The following CSMD1 variants were observed in gnomAD, a reference collection of about 807,000 sequenced individuals.
CSMD1 encodes the protein CUB and sushi domain-containing protein 1.
A neutral mutation model predicts 417.5 loss-of-function variants in CSMD1; 213 were observed. The observed-to-expected ratio is 0.51, with a 90% CI of 0.46 to 0.57. CSMD1 has a LOEUF of 0.57. Ranked by LOEUF, CSMD1 falls within the 20% of genes least tolerant of loss-of-function variation. The probability of loss-of-function intolerance (pLI) is 0.00; values close to 1 mark genes in which losing one functional copy is unlikely to be tolerated. For synonymous variants in CSMD1, 2,862 were observed against 1,736.8 expected, an observed-to-expected ratio of 1.65 and a Z score of -16.11; for missense variants, 6,923 against 4,529.7, an observed-to-expected ratio of 1.53 and a Z score of -15.17.
At chr8:4,159,396 G>A (rs1327806687) in intron 3 of CSMD1, among the ~76,000 whole-genome samples, 2 of 152,022 alleles carry the variant, frequency 1.3e-5, no homozygotes, top group East Asian at 1.9e-4. Flanking sequence ...TCTACCGAGG[G>A]GAAAAGAAGT....
chr8:3,008,433 G>A (rs1808128588), intron 52 of CSMD1, among the ~76,000 whole-genome samples: 1 of 152,180 alleles, frequency 6.6e-6, no homozygotes, highest in South Asian at 2.1e-4. Flanking sequence ...GGAGAGCAGG[G>A]GCCTCCGCAA....
chr8:3,145,043 T>TTGTGTG (rs34827109), intron 40 of CSMD1, among the ~76,000 whole-genome samples: 8 of 146,794 alleles, frequency 5.4e-5, no homozygotes, highest in East Asian at 2.0e-4. Context: ...GAGTAAAGAG[T>TTGTGTG]TGTGTGTGTG....
chr8:3,885,517 T>C (rs902036307), intron 5 of CSMD1, among the ~76,000 whole-genome samples: 3 of 152,204 alleles, frequency 2.0e-5, no homozygotes, highest in African/African-American at 7.2e-5. Flanking sequence ...CTAGATGGTC[T>C]GTTGTCTCAG....
chr8:3,474,750 A>C (rs903733912), intron 11 of CSMD1, among the ~76,000 whole-genome samples: 2 of 152,334 alleles, frequency 1.3e-5, no homozygotes, highest in East Asian at 3.9e-4. Context: ...ACTATACTTT[A>C]ACATTCATCA....
At chr8:3,992,836 T>C (rs146786678) in intron 5 of CSMD1, among the ~76,000 whole-genome samples, 15 of 152,246 alleles carry the variant, frequency 9.9e-5, no homozygotes, top group African/African-American at 3.4e-4. Flanking sequence ...TTTTAATTGG[T>C]GGCACTGCAG....
chr8:3,689,243 C>G (rs377523186), intron 7 of CSMD1, among the ~76,000 whole-genome samples: 3 of 152,266 alleles, frequency 2.0e-5, no homozygotes, highest in African/African-American at 7.2e-5. Context: ...TCCACAGTTA[C>G]CATGAAGTGA....
intron 1 of CSMD1, among the ~76,000 whole-genome samples, chr8:4,768,429 T>A (rs891004634): frequency 1.3e-5 from 2 of 152,222 alleles, no homozygotes; most frequent in African/African-American, 4.8e-5. Context: ...GCGACTGTGT[T>A]AAACGTCAGG....
intron 46 of CSMD1, among the ~76,000 whole-genome samples, chr8:3,101,916 C>T (rs1211329458): frequency 2.0e-5 from 3 of 151,564 alleles, no homozygotes; most frequent in Non-Finnish European, 4.4e-5. Flanking sequence ...ATTCTCCAGC[C>T]TCAGCCTCCA....
rs149568351 is a variant in CSMD1, at chr8:4,195,934, G to A, written c.416-163835C>T. Among the ~76,000 whole-genome samples, 1,387 of 152,168 alleles carry A rather than the reference G, an allele frequency of 9.1e-3. 22 individuals are homozygous for A. The highest frequency in any genetic ancestry group is 0.031 in the African/African-American group (1,283 of 41,512). On this transcript the variant is annotated intron_variant, in intron 3 of 69. Transcript: ENST00000635120. ...ACTATGAGATAAAAAATGCCAGGCC[G>A]GGCGCGGTGGCTCACGCCTGTAATC...
chr8:4,051,617 G>C (rs1001445748), intron 3 of CSMD1, among the ~76,000 whole-genome samples: 1 of 152,138 alleles, frequency 6.6e-6, no homozygotes, highest in Non-Finnish European at 1.5e-5. Flanking sequence ...GGGCTTGTAG[G>C]TTTCTGTGGG....
chr8:4,193,545 G>C (rs1295887711), intron 3 of CSMD1, among the ~76,000 whole-genome samples: 2 of 152,068 alleles, frequency 1.3e-5, no homozygotes, highest in Non-Finnish European at 2.9e-5. Flanking sequence ...AGAGGTCTGA[G>C]TCACAAGAGG....
At chr8:3,919,376 C>G (rs118045775) in intron 5 of CSMD1, among the ~76,000 whole-genome samples, 1 of 152,018 alleles carries the variant, frequency 6.6e-6, no homozygotes, top group Non-Finnish European at 1.5e-5. Context: ...GTCTCAATCT[C>G]ATGTGTTGAA....
chr8:3,318,355 T>C (rs1419656281), intron 23 of CSMD1, among the ~76,000 whole-genome samples: 1 of 152,204 alleles, frequency 6.6e-6, no homozygotes, highest in African/African-American at 2.4e-5. Flanking sequence ...TCCTCTGGCC[T>C]ACCGCATTGA....
chr8:4,739,802 G>A (rs1003316901), intron 1 of CSMD1, among the ~76,000 whole-genome samples: 1 of 152,064 alleles, frequency 6.6e-6, no homozygotes, highest in Admixed American at 6.5e-5. Context: ...CTTACCTGCT[G>A]CAACAGCCTC....
At chr8:3,403,589 G>A (rs1307779974) in intron 15 of CSMD1, among the ~76,000 whole-genome samples, 1 of 152,172 alleles carries the variant, frequency 6.6e-6, no homozygotes, top group African/African-American at 2.4e-5. Flanking sequence ...CCTGCAGGTT[G>A]TAACATATCT....
intron 10 of CSMD1, among the ~76,000 whole-genome samples, chr8:3,510,892 G>A (rs1268751579): frequency 6.6e-6 from 1 of 151,692 alleles, no homozygotes; most frequent in South Asian, 2.1e-4. Flanking sequence ...TTCCTTGTAG[G>A]TTCTGGATAT....
chr8:4,513,173 T>G (rs1022063772), intron 2 of CSMD1, among the ~76,000 whole-genome samples: 1 of 152,188 alleles, frequency 6.6e-6, no homozygotes, highest in Non-Finnish European at 1.5e-5. Flanking sequence ...TATGTCAAAG[T>G]AGGTTCATTG....
chr8:3,904,990 C>T (rs902935233), intron 5 of CSMD1, among the ~76,000 whole-genome samples: 1 of 152,032 alleles, frequency 6.6e-6, no homozygotes, highest in Non-Finnish European at 1.5e-5. Context: ...GAAGAAGTAC[C>T]AAGTTACAAA....
chr8:4,567,858 A>G (rs1471758061), intron 2 of CSMD1, among the ~76,000 whole-genome samples: 2 of 152,210 alleles, frequency 1.3e-5, no homozygotes, highest in Admixed American at 1.3e-4. Context: ...ACTCTACATA[A>G]GCATGCTGAG....
Sources: gnomAD v4.1 joint callset for allele counts (sites outside exome capture counted in the v4.1 genomes callset) on GRCh38, gnomAD v4.1.1 for gene constraint, MANE v1.5 for transcripts, NCBI Gene and HGNC (gene_info 2026-07-23, HGNC 2026-07-21) for gene names.